Variants in PXK observed in about 807,000 individuals in gnomAD.
PXK encodes PX domain-containing protein kinase-like protein.
Under a neutral mutation model 84.7 loss-of-function variants are expected in PXK, and 35 were observed. That is an observed-to-expected ratio of 0.41 (90% CI 0.32 to 0.55). The LOEUF (loss-of-function observed/expected upper bound fraction) is 0.55. Ranked by LOEUF, PXK falls within the 20% of genes least tolerant of loss-of-function variation. PXK has a pLI of 0.21. For missense variants in PXK, 634 were observed against 699.7 expected (o/e 0.91, Z 1.06); for synonymous variants, 253 against 260.8 (o/e 0.97, Z 0.29).
At chr3:58,362,715 C>T (rs923517416) in intron 1 of PXK, among the ~76,000 whole-genome samples, 1 of 152,148 alleles carries the variant, frequency 6.6e-6, no homozygotes, top group African/African-American at 2.4e-5. Flanking sequence ...ACTGAGTCCT[C>T]ATACTTTATT....
rs2097533161 is a variant in PXK at position 58,333,498 on chromosome 3, C to T, written c.102+408C>T. On this transcript the variant is annotated intron_variant, in intron 1 of 17. Coordinates refer to ENST00000356151, the MANE Select transcript of PXK (RefSeq NM_017771.5). This position sits in a 1 kb window ranked among gnomAD's most constrained non-coding sequence, Gnocchi z 5.4. ...TTTCCTTTTTGAGGCCGTGTAATTTCCTCCTTGCAGCTGAGGGTCTGGGTG... is the reference window on the plus strand; with the variant it reads ...TTTCCTTTTTGAGGCCGTGTAATTTTCTCCTTGCAGCTGAGGGTCTGGGTG... 1 of 456,122 alleles carries T rather than the reference C, an allele frequency of 2.2e-6. No homozygotes were observed. The highest frequency in any genetic ancestry group is 2.0e-5 in the African/African-American group (1 of 50,086). The allele number at this position is 456,122 out of a possible 1,614,324, so 28.3% of individuals were successfully genotyped here.
intron 1 of PXK, among the ~76,000 whole-genome samples, chr3:58,349,493 T>C (rs538889166): frequency 1.1e-4 from 17 of 151,780 alleles, no homozygotes; most frequent in Admixed American, 2.0e-4. Context: ...GTAGCTGGGA[T>C]TACAGGCTCC....
intron 1 of PXK, among the ~76,000 whole-genome samples, chr3:58,344,725 G>T (rs2097787694): frequency 3.3e-5 from 5 of 152,232 alleles, no homozygotes; most frequent in Admixed American, 3.3e-4. Context: ...CTACTCAGGA[G>T]GCTGAGGCAG....
rs1021309362 is a variant in PXK, at chr3:58,416,965, C to A, written c.1528+4002C>A. Among the ~76,000 whole-genome samples the A allele has an allele frequency of 1.3e-5, 2 of 152,174 alleles. No homozygotes were observed. Among genetic ancestry groups the A allele is most frequent in the Non-Finnish European group, 2.9e-5 (2 of 68,032 alleles). On this transcript the variant is annotated intron_variant, in intron 17 of 17. Coordinates refer to ENST00000356151, the MANE Select transcript of PXK (RefSeq NM_017771.5). This position sits in a 1 kb window ranked among gnomAD's most constrained non-coding sequence, Gnocchi z 4.8. Reference sequence around the variant, plus strand: ...CTGGCCAGCCCATGCTTAGGCTGTTCTTCCTTGCAGAACTGGAGGTCGGTC... The same window carrying A: ...CTGGCCAGCCCATGCTTAGGCTGTTATTCCTTGCAGAACTGGAGGTCGGTC...
intron 9 of PXK, 113 bp downstream of exon 9, chr3:58,395,872 A>C: frequency 1.3e-6 from 1 of 787,260 alleles, no homozygotes. Context: ...GATTACTTAT[A>C]AACTGATTGC....
chr3:58,333,501 C>A lies in PXK; in HGVS notation c.102+411C>A, dbSNP rs560488727. 6.6e-6 allele frequency: 3 copies of A among 456,308 alleles called. No individual in the cohort carries two copies. The highest frequency in any genetic ancestry group is 4.6e-5 in the South Asian group (3 of 64,542). The allele number at this position is 456,308 out of a possible 1,614,324, so 28.3% of individuals were successfully genotyped here. A position where few individuals can be genotyped will look rare whatever the true frequency, so the allele number is the denominator to read the frequency against. On this transcript the variant is annotated intron_variant, in intron 1 of 17. Coordinates refer to ENST00000356151, the MANE Select transcript of PXK (RefSeq NM_017771.5). This position sits in a 1 kb window ranked among gnomAD's most constrained non-coding sequence, Gnocchi z 5.4. ...CCTTTTTGAGGCCGTGTAATTTCCT[C>A]CTTGCAGCTGAGGGTCTGGGTGATG...
In PXK at chr3:58,394,814, T is replaced by C. The variant is rs148067274; in HGVS notation, c.616-184T>C. 2.8e-3 allele frequency among the ~76,000 whole-genome samples: 433 copies of C among 152,344 alleles called. 1 individual carries two copies. Among genetic ancestry groups the C allele is most frequent in the African/African-American group, 0.01 (420 of 41,570 alleles). On this transcript the variant is annotated intron_variant, in intron 7 of 17. Transcript: ENST00000356151. Reference sequence around the variant, plus strand: ...TACAGTTTATGTCCCTTCCTCCATCTGAAGAAGGAGGAACTAGCTGGTAAC... The same window carrying C: ...TACAGTTTATGTCCCTTCCTCCATCCGAAGAAGGAGGAACTAGCTGGTAAC...
chr3:58,389,575 C>A (rs1299410793), intron 4 of PXK, among the ~76,000 whole-genome samples: 4 of 152,012 alleles, frequency 2.6e-5, no homozygotes, highest in Non-Finnish European at 4.4e-5. Context: ...GTATTCCCAG[C>A]ACTTTGGGAG....
intron 1 of PXK, among the ~76,000 whole-genome samples, chr3:58,359,743 A>G (rs2098149211): frequency 6.6e-6 from 1 of 151,650 alleles, no homozygotes; most frequent in Non-Finnish European, 1.5e-5. Context: ...ACCTAAGTTG[A>G]CAAGAACATT....
chr3:58,367,268 G>A (rs558606065), intron 2 of PXK, among the ~76,000 whole-genome samples: 83 of 150,022 alleles, frequency 5.5e-4, no homozygotes, highest in African/African-American at 1.6e-3. Flanking sequence ...TTTTTGAGAC[G>A]GAGTCTTGCT....
intron 17 of PXK, among the ~76,000 whole-genome samples, chr3:58,419,105 T>G (rs187019629): frequency 6.6e-6 from 1 of 152,240 alleles, no homozygotes; most frequent in African/African-American, 2.4e-5. Flanking sequence ...GATCTAATGC[T>G]AATAGGCTGA....
intron 17 of PXK, among the ~76,000 whole-genome samples, chr3:58,424,367 G>A (rs2062485654): frequency 6.6e-6 from 1 of 152,174 alleles, no homozygotes; most frequent in Non-Finnish European, 1.5e-5. Flanking sequence ...TTAATTGCTA[G>A]CTCAGAAGCA....
chr3:58,375,216 A>G (rs1166748461), intron 3 of PXK, among the ~76,000 whole-genome samples: 1 of 152,176 alleles, frequency 6.6e-6, no homozygotes, highest in Non-Finnish European at 1.5e-5. Flanking sequence ...AGTGATGTGG[A>G]CTCAGCTGGG....
At chr3:58,343,649 C>G (rs1400572132) in intron 1 of PXK, among the ~76,000 whole-genome samples, 1 of 152,196 alleles carries the variant, frequency 6.6e-6, no homozygotes, top group African/African-American at 2.4e-5. Flanking sequence ...CTTGTTCTGC[C>G]TCTTTGAGGC....
intron 1 of PXK, among the ~76,000 whole-genome samples, chr3:58,359,317 G>T (rs1440570886): frequency 1.3e-5 from 2 of 151,830 alleles, no homozygotes; most frequent in East Asian, 3.9e-4. Context: ...AGATCACGAG[G>T]TCAGGAGATC....
intron 1 of PXK, among the ~76,000 whole-genome samples, chr3:58,334,561 A>G (rs1333476974): frequency 6.6e-6 from 1 of 152,148 alleles, no homozygotes; most frequent in African/African-American, 2.4e-5. Flanking sequence ...AAATAAAGAG[A>G]TAGATGTTTC....
At chr3:58,413,322 C>T (rs1180856002) in intron 17 of PXK, 1 of 276,328 alleles carries the variant, frequency 3.6e-6, no homozygotes, top group East Asian at 8.8e-5. Flanking sequence ...CCTGCCAGGC[C>T]TCTCTCCTCA....
intron 1 of PXK, among the ~76,000 whole-genome samples, chr3:58,346,270 G>A (rs2097817034): frequency 6.6e-6 from 1 of 152,254 alleles, no homozygotes; most frequent in East Asian, 1.9e-4. Context: ...TGGCATTTTA[G>A]GAAGCTTAAT....
chr3:58,357,094 C>T (rs551225474), intron 1 of PXK, among the ~76,000 whole-genome samples: 16 of 151,380 alleles, frequency 1.1e-4, no homozygotes, highest in African/African-American at 3.9e-4. Context: ...TTCTGGCCAA[C>T]ATGGTGAAAC....
Sources: allele counts gnomAD v4.1 joint callset (sites outside exome capture counted in the v4.1 genomes callset), GRCh38; gene constraint gnomAD v4.1.1; non-coding constraint Gnocchi (gnomAD v3.1); transcripts MANE v1.5; gene names NCBI Gene and HGNC (gene_info 2026-07-23, HGNC 2026-07-21).